The following LSAMP variants were observed in gnomAD, a reference collection of about 807,000 sequenced individuals.
The protein encoded by LSAMP is limbic system associated membrane protein, also known as limbic system-associated membrane protein.
A neutral mutation model predicts 38.6 loss-of-function variants in LSAMP; 7 were observed. The ratio of observed to expected loss-of-function variants is 0.18; its 90% CI spans 0.10 to 0.34. The LOEUF (loss-of-function observed/expected upper bound fraction) is 0.34, where lower values mean the gene tolerates loss of function less well. Ranked by LOEUF, LSAMP falls within the 10% of genes least tolerant of loss-of-function variation. The pLI is 1.00. For synonymous variants in LSAMP, 154 were observed against 166.8 expected (o/e 0.92, Z 0.59); for missense variants, 313 against 420.0 (o/e 0.75, Z 2.23).
At chr3:116,302,629 C>T (rs1043262330) in intron 1 of LSAMP, among the ~76,000 whole-genome samples, 2 of 152,148 alleles carry the variant, frequency 1.3e-5, no homozygotes, top group African/African-American at 4.8e-5. Flanking sequence ...GTCCAGATGG[C>T]TATGGTGTTT....
At chr3:115,838,854 T>C (rs1470631415) in intron 6 of LSAMP, among the ~76,000 whole-genome samples, 5 of 152,224 alleles carry the variant, frequency 3.3e-5, no homozygotes, top group Non-Finnish European at 7.3e-5. Flanking sequence ...CTCATCACTG[T>C]GGTGGATACG....
chr3:116,305,972 G>A (rs2047479813), intron 1 of LSAMP, among the ~76,000 whole-genome samples: 1 of 145,346 alleles, frequency 6.9e-6, no homozygotes, highest in South Asian at 2.2e-4. Context: ...TTTATCTTCA[G>A]TTGCTTTTTT....
intron 1 of LSAMP, among the ~76,000 whole-genome samples, chr3:116,399,930 T>C (rs2048816816): frequency 6.6e-6 from 1 of 152,170 alleles, no homozygotes; most frequent in Non-Finnish European, 1.5e-5. Flanking sequence ...TTTCTGAGCT[T>C]GGTGGCCAGA....
chr3:116,208,574 T>G (rs2046103323), intron 1 of LSAMP, among the ~76,000 whole-genome samples: 1 of 152,134 alleles, frequency 6.6e-6, no homozygotes. Context: ...TACAGATGGG[T>G]TTTTCGTGTG....
chr3:116,097,911 T>C (rs902018237), intron 1 of LSAMP, among the ~76,000 whole-genome samples: 6 of 151,914 alleles, frequency 3.9e-5, no homozygotes, highest in Non-Finnish European at 8.8e-5. Context: ...AATTTTGTAT[T>C]TTTAGGTAAG....
At chr3:116,169,405 G>T (rs955590193) in intron 1 of LSAMP, among the ~76,000 whole-genome samples, 1 of 152,168 alleles carries the variant, frequency 6.6e-6, no homozygotes, top group African/African-American at 2.4e-5. Context: ...GAAAAAAGTG[G>T]GAAGATAGGC....
chr3:116,017,064 T>C lies in LSAMP; in HGVS notation c.514+2451A>G, dbSNP rs143122252. 8.5e-5 allele frequency among the ~76,000 whole-genome samples: 13 copies of C among 152,188 alleles called. No homozygotes were observed. The South Asian group carries it at 1.0e-3, about 12-fold the overall frequency. On this transcript the variant is annotated intron_variant, in intron 3 of 6. Coordinates refer to ENST00000490035, the MANE Select transcript of LSAMP (RefSeq NM_002338.5). ...GGTCTTTTGTTGACTTGAAACATCA[T>C]AGAAAAACAAGCTATTAAGGGGTCA...
intron 6 of LSAMP, among the ~76,000 whole-genome samples, chr3:115,836,243 C>T (rs1334297239): frequency 1.3e-5 from 2 of 152,112 alleles, no homozygotes; most frequent in African/African-American, 4.8e-5. Flanking sequence ...CCTATCACGC[C>T]CCATTAGTTA....
chr3:115,914,417 G>T (rs1197249925), intron 3 of LSAMP, among the ~76,000 whole-genome samples: 1 of 152,180 alleles, frequency 6.6e-6, no homozygotes, highest in Non-Finnish European at 1.5e-5. Flanking sequence ...TGTTAGGTTA[G>T]TTTAGCAAGA....
At chr3:116,130,079 A>G (rs1391400409) in intron 1 of LSAMP, among the ~76,000 whole-genome samples, 1 of 152,248 alleles carries the variant, frequency 6.6e-6, no homozygotes. Flanking sequence ...TTTCAAGGAC[A>G]GTATTTTAAA....
chr3:116,236,073 T>A (rs572083855), intron 1 of LSAMP, among the ~76,000 whole-genome samples: 1 of 152,302 alleles, frequency 6.6e-6, no homozygotes, highest in African/African-American at 2.4e-5. Context: ...ATATTGACTA[T>A]AATCAAATAA....
intron 1 of LSAMP, among the ~76,000 whole-genome samples, chr3:116,268,121 T>C (rs935309239): frequency 6.6e-6 from 1 of 152,142 alleles, no homozygotes; most frequent in African/African-American, 2.4e-5. Context: ...ATTTGACCTT[T>C]CTGTAATATG....
At chr3:116,302,842 T>C (rs2107707851) in intron 1 of LSAMP, among the ~76,000 whole-genome samples, 1 of 152,292 alleles carries the variant, frequency 6.6e-6, no homozygotes, top group Middle Eastern at 3.4e-3. Flanking sequence ...GACATTTTAG[T>C]AGCACTGATC....
At chr3:116,080,316 A>C (rs957841386) in intron 2 of LSAMP, among the ~76,000 whole-genome samples, 5 of 152,068 alleles carry the variant, frequency 3.3e-5, no homozygotes, top group African/African-American at 1.2e-4. Context: ...TACTGAGCCA[A>C]CTCTTGTGCC....
At chr3:116,273,683 C>CATATATAT (rs1553719897) in intron 1 of LSAMP, among the ~76,000 whole-genome samples, 10 of 50,526 alleles carry the variant, frequency 2.0e-4, no homozygotes, top group Admixed American at 2.4e-4. Context: ...GAGAAAGAGG[C>CATATATAT]ATATATATAT....
At chr3:116,055,268 T>G (rs980263276) in intron 2 of LSAMP, among the ~76,000 whole-genome samples, 1 of 152,214 alleles carries the variant, frequency 6.6e-6, no homozygotes, top group African/African-American at 2.4e-5. Context: ...ATGCGCTATT[T>G]GTCATGCACA....
At chr3:116,193,299 A>C (rs577120692) in intron 1 of LSAMP, among the ~76,000 whole-genome samples, 1 of 152,288 alleles carries the variant, frequency 6.6e-6, no homozygotes, top group African/African-American at 2.4e-5. Context: ...GGTGTTAGGG[A>C]AACTGGAGGA....
chr3:116,123,447 T>G (rs2107491263), intron 1 of LSAMP, among the ~76,000 whole-genome samples: 1 of 152,308 alleles, frequency 6.6e-6, no homozygotes, highest in East Asian at 1.9e-4. Context: ...TTAGATGAGA[T>G]TCCAACAATA....
intron 1 of LSAMP, among the ~76,000 whole-genome samples, chr3:116,236,853 G>T (rs1456268818): frequency 1.3e-5 from 1 of 75,996 alleles, no homozygotes; most frequent in Non-Finnish European, 3.8e-5. Flanking sequence ...CTGCCTATAT[G>T]GGCCTTAGAT....
Sources: gnomAD v4.1 joint callset for allele counts (sites outside exome capture counted in the v4.1 genomes callset) on GRCh38, gnomAD v4.1.1 for gene constraint, MANE v1.5 for transcripts, NCBI Gene and HGNC (gene_info 2026-07-23, HGNC 2026-07-21) for gene names.